GSTZ1: variants seen among roughly 807,000 people sequenced by gnomAD.
GSTZ1 encodes maleylacetoacetate isomerase.
A neutral mutation model predicts 35.9 loss-of-function variants in GSTZ1; 34 were observed. The observed-to-expected ratio is 0.95, with a 90% CI of 0.72 to 1.26. GSTZ1 has a LOEUF of 1.26. Ranked by LOEUF, GSTZ1 falls within the 50% of genes most tolerant of loss-of-function variation. The pLI, the probability that GSTZ1 is intolerant of heterozygous loss-of-function variation, is 0.00. For synonymous variants in GSTZ1, 93 were observed against 101.2 expected (o/e 0.92, Z 0.49); for missense variants, 263 against 271.7 (o/e 0.97, Z 0.23).
At chr14:77,324,256 C>T in intron 1 of GSTZ1, 1 of 302,892 alleles carries the variant, frequency 3.3e-6, no homozygotes, top group Non-Finnish European at 6.6e-6. Flanking sequence ...TATTCTCTTA[C>T]CTCAACCTCC....
In GSTZ1 at chr14:77,331,170, A is replaced by C. The variant is rs1223053198; in HGVS notation, c.626A>C (p.Asp209Ala). Reference sequence around the variant, plus strand: ...GTGTCTCACCCCTGCCGGCAGCCAGATACACCCACTGAGCTGAGGGCCTAG... The same window carrying C: ...GTGTCTCACCCCTGCCGGCAGCCAGCTACACCCACTGAGCTGAGGGCCTAG... Reference protein sequence around the residue: ...FQVSHPCRQPDTPTELRA With the variant: ...FQVSHPCRQPATPTELRA The change falls in exon 9 of 9, where the codon GAT becomes GCT. Residue 209 changes from aspartate to alanine, a missense_variant. Coordinates refer to ENST00000216465, the MANE Select transcript of GSTZ1 (RefSeq NM_145870.3). 6.2e-7 allele frequency: 1 copy of C among 1,613,944 alleles called. No homozygotes were observed. The highest frequency in any genetic ancestry group is 1.3e-5 in the African/African-American group (1 of 74,930).
intron 1 of GSTZ1, among the ~76,000 whole-genome samples, chr14:77,322,209 A>G (rs1226377682): frequency 6.6e-6 from 1 of 152,216 alleles, no homozygotes; most frequent in East Asian, 1.9e-4. Flanking sequence ...CATGGTTTAA[A>G]AATAAAATCT....
chr14:77,329,723 CAGA>C (rs536883540), intron 6 of GSTZ1, 29 bp from the exon 7 acceptor site: 20 of 1,588,136 alleles, frequency 1.3e-5, no homozygotes, highest in Non-Finnish European at 1.7e-5. Flanking sequence ...TCCCTGCGCC[CAGA>C]ATAAGATGTT....
Position 77,330,315 on chromosome 14 carries a change from C to G in GSTZ1, c.480C>G (p.Thr160=), listed in dbSNP as rs1892555994. 6.2e-7 allele frequency: 1 copy of G among 1,613,208 alleles called. No homozygotes were observed. Among genetic ancestry groups the G allele is most frequent in the African/African-American group, 1.3e-5 (1 of 74,896 alleles). Residue 160 remains threonine, a synonymous_variant, in exon 8 of 9, where the codon ACC becomes ACG. Coordinates refer to ENST00000216465, the MANE Select transcript of GSTZ1 (RefSeq NM_145870.3). ...CCCACCGGGACCTCTTTCAGGTGAC[C>G]ATGGCTGATCTGTGCTTGGTGCCTC... ...AGIYCVGDEV[T]MADLCLVPQV...
intron 1 of GSTZ1, 66 bp from the exon 2 acceptor site, chr14:77,324,804 G>A: frequency 6.7e-7 from 1 of 1,483,202 alleles, no homozygotes; most frequent in Non-Finnish European, 9.4e-7. Context: ...AGAAATGGTT[G>A]ACTCCTCCCA....
At chr14:77,329,627 C>T in intron 6 of GSTZ1, 128 bp from the exon 7 acceptor site, 1 of 751,692 alleles carries the variant, frequency 1.3e-6, no homozygotes. Context: ...GCCACATTCT[C>T]ACCAGCAGCC....
chr14:77,324,466 G>C lies in GSTZ1; in HGVS notation c.16-404G>C, dbSNP rs1027714163. 4 of 752,344 alleles carry C rather than the reference G, an allele frequency of 5.3e-6. No homozygotes were observed. In the African/African-American group the frequency reaches 6.9e-5, roughly 13 times the overall value. 46.6% of individuals were successfully genotyped at this position (752,344 alleles called of 1,614,324 possible). On this transcript the variant is annotated intron_variant, in intron 1 of 8. Coordinates refer to ENST00000216465, the MANE Select transcript of GSTZ1 (RefSeq NM_145870.3). ...TGGCCAGAAATGCCCTTTCTGACCA[G>C]AGTCAAAGTTCCCCCAATGCCTGGG...
intron 2 of GSTZ1, chr14:77,325,472 T>G (rs1892273062): frequency 6.4e-6 from 1 of 156,930 alleles, no homozygotes; most frequent in Non-Finnish European, 1.4e-5. Flanking sequence ...CTGATTCCAT[T>G]TAAACCTCAG....
Position 77,324,916 on chromosome 14 carries a change from G to A in GSTZ1, c.62G>A (p.Arg21Gln), listed in dbSNP as rs533384514. ...CGAAGCTCCTGCTCATGGAGAGTTCGAATTGGTAAGAGATGTGCCTCCTCC... is the reference window on the plus strand; with the variant it reads ...CGAAGCTCCTGCTCATGGAGAGTTCAAATTGGTAAGAGATGTGCCTCCTCC... ...YFRSSCSWRV[R>Q]IALALKGIDY... Residue 21 changes from arginine to glutamine, a missense_variant, in exon 2 of 9, where the codon CGA becomes CAA. Arg to Gln is a conservative substitution (Grantham distance 43). Coordinates refer to ENST00000216465, the MANE Select transcript of GSTZ1 (RefSeq NM_145870.3). 15 of 1,613,056 alleles carry A rather than the reference G, an allele frequency of 9.3e-6. No homozygotes were observed. Among genetic ancestry groups the A allele is most frequent in the African/African-American group, 4.0e-5 (3 of 75,046 alleles).
Position 77,329,174 on chromosome 14 carries a change from C to T in GSTZ1, c.394C>T (p.Gln132Ter), listed in dbSNP as rs1748762507. The change falls in exon 6 of 9, where the codon CAG becomes TAG. Residue 132 changes from glutamine to a stop codon, truncating the protein, a stop_gained. Transcript: ENST00000216465. LOFTEE classifies it high-confidence loss of function. The stretch of plus-strand genomic sequence containing the variant: ...AGAGGAGATGCAGCTGACCTGGGCC[C>T]AGAACGCCATCACTTGTGGCTTTAA... ...VGEEMQLTWA[Q>*]NAITCGFNAL... 8 of 1,612,166 alleles carry T rather than the reference C, an allele frequency of 5.0e-6. No individual in the cohort carries two copies. Among genetic ancestry groups the T allele is most frequent in the Non-Finnish European group, 6.8e-6 (8 of 1,178,136 alleles).
At chr14:77,325,226 C>T in intron 2 of GSTZ1, 1 of 365,940 alleles carries the variant, frequency 2.7e-6, no homozygotes, top group Non-Finnish European at 5.2e-6. Flanking sequence ...CCACATGCCC[C>T]TGGTAACTGG....
chr14:77,321,111 GGCAGGTCCCAGGC>G lies in GSTZ1; in HGVS notation c.-55_-43del. The G allele has an allele frequency of 7.0e-7, 1 of 1,435,522 alleles. No individual in the cohort carries two copies. Among genetic ancestry groups the G allele is most frequent in the Non-Finnish European group, 9.2e-7 (1 of 1,087,142 alleles). The allele number at this position is 1,435,522 out of a possible 1,614,324, so 88.9% of individuals were successfully genotyped here. ...CGAGTCTCACTGAGCCTTAGTCGTC[GGCAGGTCCCAGGC>G]GCGAAGTTTCTCGGCCTGGAGGAGG... On this transcript the variant is annotated 5_prime_UTR_variant, in exon 1 of 9. Coordinates refer to ENST00000216465, the MANE Select transcript of GSTZ1 (RefSeq NM_145870.3).
Position 77,321,053 on chromosome 14 carries a change from T to C in GSTZ1, c.-116T>C. 8.6e-7 allele frequency: 1 copy of C among 1,166,498 alleles called. No homozygotes were observed. Among genetic ancestry groups the C allele is most frequent in the South Asian group, 1.7e-5 (1 of 60,260 alleles). 72.3% of individuals were successfully genotyped at this position (1,166,498 alleles called of 1,614,324 possible). ...GGATCTTTCTAGTCCAGCCCCTCGCTTTACCCGGACGAAAGACACGGGCCT... is the reference window on the plus strand; with the variant it reads ...GGATCTTTCTAGTCCAGCCCCTCGCCTTACCCGGACGAAAGACACGGGCCT... On this transcript the variant is annotated 5_prime_UTR_variant, in exon 1 of 9. Coordinates refer to ENST00000216465, the MANE Select transcript of GSTZ1 (RefSeq NM_145870.3).
In GSTZ1 at chr14:77,331,433, C is replaced by T. The variant is rs1165397840; in HGVS notation, c.*238C>T. On this transcript the variant is annotated 3_prime_UTR_variant, in exon 9 of 9. Coordinates refer to ENST00000216465, the MANE Select transcript of GSTZ1 (RefSeq NM_145870.3). ...GAATACTGTTATCTATGTGACGGGGCAGTCGTGAGGCTGAGATGAGAATGC... is the reference window on the plus strand; with the variant it reads ...GAATACTGTTATCTATGTGACGGGGTAGTCGTGAGGCTGAGATGAGAATGC... 4 of 469,450 alleles carry T rather than the reference C, an allele frequency of 8.5e-6. No individual in the cohort carries two copies. The highest frequency in any genetic ancestry group is 1.1e-5 in the Non-Finnish European group (3 of 261,858). 29.1% of individuals were successfully genotyped at this position (469,450 alleles called of 1,614,324 possible).
chr14:77,321,538 T>G (rs958845565), intron 1 of GSTZ1: 1 of 1,298,530 alleles, frequency 7.7e-7, no homozygotes, highest in African/African-American at 1.5e-5. Context: ...CAGCCCTTCA[T>G]GCTCTTCTCT....
intron 1 of GSTZ1, chr14:77,324,059 C>G (rs138387650): frequency 9.5e-4 from 152 of 159,912 alleles, no homozygotes; most frequent in African/African-American, 3.4e-3. Flanking sequence ...ACTCAAAATA[C>G]TGCATCAAAA....
At chr14:77,323,929 CTTTGTTTTACAAA>C (rs1892161607) in intron 1 of GSTZ1, 1 of 152,344 alleles carries the variant, frequency 6.6e-6, no homozygotes. Flanking sequence ...TTAGGGCAAC[CTTTGTTTTACAAA>C]TGAGGGAGCC....
intron 1 of GSTZ1, chr14:77,322,532 T>A: frequency 1.1e-6 from 1 of 938,972 alleles, no homozygotes; most frequent in African/African-American, 1.8e-5. Flanking sequence ...CTAATTAATG[T>A]CTGCCACACT....
At chr14:77,330,845 T>C (rs541547660) in intron 8 of GSTZ1, among the ~76,000 whole-genome samples, 3 of 152,110 alleles carry the variant, frequency 2.0e-5, no homozygotes, top group Non-Finnish European at 4.4e-5. Flanking sequence ...CACTGGGCCT[T>C]ACACATAGCA....
Sources: allele counts gnomAD v4.1 joint callset (sites outside exome capture counted in the v4.1 genomes callset), GRCh38; gene constraint gnomAD v4.1.1; transcripts MANE v1.5; gene names NCBI Gene and HGNC (gene_info 2026-07-23, HGNC 2026-07-21).